GRM7: variants seen among roughly 807,000 people sequenced by gnomAD.
GRM7 encodes glutamate metabotropic receptor 7, also known as metabotropic glutamate receptor 7.
GRM7 carries 35 observed loss-of-function variants against 84.5 expected under a neutral mutation model. That is an observed-to-expected ratio of 0.41 (90% CI 0.32 to 0.55). The LOEUF (loss-of-function observed/expected upper bound fraction) is 0.55. Ranked by LOEUF, GRM7 falls within the 20% of genes least tolerant of loss-of-function variation. The pLI, the probability that GRM7 is intolerant of heterozygous loss-of-function variation, is 0.19. For missense variants in GRM7, 1,003 were observed against 1,194.6 expected (o/e 0.84, Z 2.36); for synonymous variants, 487 against 455.1 (o/e 1.07, Z -0.89).
intron 1 of GRM7, among the ~76,000 whole-genome samples, chr3:7,111,324 G>A (rs561655244): frequency 7.9e-5 from 12 of 152,262 alleles, no homozygotes; most frequent in Non-Finnish European, 1.6e-4. Context: ...AGTAGGCATG[G>A]CTAGAGGCCA....
At chr3:7,566,658 A>T (rs1399423319) in intron 7 of GRM7, among the ~76,000 whole-genome samples, 2 of 50,060 alleles carry the variant, frequency 4.0e-5, no homozygotes, top group Admixed American at 1.8e-4. Flanking sequence ...GACACTGAAT[A>T]AAAAAAAAGA....
chr3:7,469,033 A>G (rs1003376923), intron 7 of GRM7, among the ~76,000 whole-genome samples: 2 of 152,180 alleles, frequency 1.3e-5, no homozygotes, highest in African/African-American at 4.8e-5. Context: ...ATTTTTCTGC[A>G]CCCCCAAGCA....
chr3:7,339,135 T>G (rs1197772644), intron 4 of GRM7, among the ~76,000 whole-genome samples: 1 of 152,136 alleles, frequency 6.6e-6, no homozygotes, highest in Non-Finnish European at 1.5e-5. Flanking sequence ...GGGATATGAT[T>G]ACACACTTGG....
chr3:7,355,878 C>G (rs1179957169), intron 4 of GRM7, among the ~76,000 whole-genome samples: 2 of 152,072 alleles, frequency 1.3e-5, no homozygotes, highest in Non-Finnish European at 2.9e-5. Context: ...GGGGAGGTTC[C>G]TAGATCAGCT....
chr3:7,697,907 G>A (rs1701079982), intron 9 of GRM7, among the ~76,000 whole-genome samples: 1 of 152,114 alleles, frequency 6.6e-6, no homozygotes, highest in African/African-American at 2.4e-5. Context: ...CACTGCAAAT[G>A]CCCAATTTAA....
In GRM7 at chr3:7,201,016, C is replaced by A. The variant is rs192162743; in HGVS notation, c.736+54348C>A. ...ACACAGTCTCACTCTGTCGCCCAGG[C>A]TGGAGTGCAGTGGCACGATCTCGGC... On this transcript the variant is annotated intron_variant, in intron 2 of 9. Coordinates refer to ENST00000357716, the MANE Select transcript of GRM7 (RefSeq NM_000844.4). Among the ~76,000 whole-genome samples the A allele has an allele frequency of 2.2e-5, 3 of 133,716 alleles. No homozygotes were observed. In the East Asian group the frequency reaches 6.5e-4, roughly 29 times the overall value. The allele number at this position is 133,716 out of a possible 152,430, so 87.7% of individuals were successfully genotyped here.
At chr3:7,378,887 C>T (rs941472239) in intron 4 of GRM7, among the ~76,000 whole-genome samples, 2 of 152,136 alleles carry the variant, frequency 1.3e-5, no homozygotes, top group Admixed American at 1.3e-4. Context: ...TCACATGTTT[C>T]AGTCAGCTTC....
chr3:7,038,783 C>G (rs1696481076), intron 1 of GRM7, among the ~76,000 whole-genome samples: 1 of 152,054 alleles, frequency 6.6e-6, no homozygotes, highest in Admixed American at 6.6e-5. Context: ...GCAGGTGAGA[C>G]TTAGAGGATT....
In GRM7 at chr3:7,432,470, G is replaced by GCCAC. The variant is rs536666097; in HGVS notation, c.1174+17309_1174+17312dup. On this transcript the variant is annotated intron_variant, in intron 5 of 9. Transcript: ENST00000357716. ...CGAGTAGCTGGGACTACAGGCATGTGCCACCACGCCCTGCTAACTTTTTGT... is the reference window on the plus strand; with the variant it reads ...CGAGTAGCTGGGACTACAGGCATGTGCCACCCACCACGCCCTGCTAACTTTTTGT... 3.4e-3 allele frequency among the ~76,000 whole-genome samples: 516 copies of GCCAC among 152,006 alleles called. 2 individuals are homozygous for GCCAC. Among genetic ancestry groups the GCCAC allele is most frequent in the Middle Eastern group, 0.014 (4 of 292 alleles).
intron 2 of GRM7, among the ~76,000 whole-genome samples, chr3:7,270,516 C>T (rs1167623344): frequency 6.6e-6 from 1 of 151,898 alleles, no homozygotes; most frequent in Admixed American, 6.6e-5. Context: ...TATTTTTTCT[C>T]AATATTGAAT....
At chr3:7,058,430 T>G (rs1001623002) in intron 1 of GRM7, among the ~76,000 whole-genome samples, 1 of 151,890 alleles carries the variant, frequency 6.6e-6, no homozygotes, top group Non-Finnish European at 1.5e-5. Flanking sequence ...TTAGCTCAAT[T>G]TTTTTCTACA....
At chr3:7,572,821 C>CAAAAAAAAA (rs1437470999) in intron 7 of GRM7, among the ~76,000 whole-genome samples, 3 of 20,972 alleles carry the variant, frequency 1.4e-4, no homozygotes, top group African/African-American at 1.9e-4. Flanking sequence ...GACTCTATCT[C>CAAAAAAAAA]AAATATATAT....
chr3:7,682,470 G>A (rs552051741), intron 9 of GRM7: 1 of 150,776 alleles, frequency 6.6e-6, no homozygotes, highest in South Asian at 2.1e-4. Flanking sequence ...TTTATTATAG[G>A]TTGTCTTGTC....
chr3:6,975,647 A>T (rs965904285), intron 1 of GRM7, among the ~76,000 whole-genome samples: 1 of 152,102 alleles, frequency 6.6e-6, no homozygotes, highest in African/African-American at 2.4e-5. Flanking sequence ...TGTGCTTACG[A>T]TGCTCTCTGA....
chr3:7,219,320 A>C (rs547023446), intron 2 of GRM7, among the ~76,000 whole-genome samples: 19 of 152,316 alleles, frequency 1.2e-4, no homozygotes, highest in African/African-American at 3.8e-4. Context: ...TCCCATCAGA[A>C]CAGACAGAGC....
rs375880364 is a variant in GRM7 at position 7,280,596 on chromosome 3, A to G, written c.737-18088A>G. Among the ~76,000 whole-genome samples the G allele has an allele frequency of 1.8e-4, 27 of 152,354 alleles. 1 individual carries two copies. The highest frequency in any genetic ancestry group is 3.4e-3 in the Middle Eastern group (1 of 294). On this transcript the variant is annotated intron_variant, in intron 2 of 9. Coordinates refer to ENST00000357716, the MANE Select transcript of GRM7 (RefSeq NM_000844.4). ...TTTCATAGGCTGTCACGGGAAGTAAATATCATTAAACATATAAAGCACTTG... is the reference window on the plus strand; with the variant it reads ...TTTCATAGGCTGTCACGGGAAGTAAGTATCATTAAACATATAAAGCACTTG...
chr3:7,734,863 C>A (rs530975278), intron 9 of GRM7, among the ~76,000 whole-genome samples: 75 of 152,218 alleles, frequency 4.9e-4, no homozygotes, highest in Middle Eastern at 3.4e-3. Flanking sequence ...TAAGAGAGAT[C>A]ATTATAAAAT....
chr3:7,471,773 T>C (rs1698712655), intron 7 of GRM7, among the ~76,000 whole-genome samples: 1 of 152,120 alleles, frequency 6.6e-6, no homozygotes, highest in Non-Finnish European at 1.5e-5. Flanking sequence ...TTCTGGGGAG[T>C]TGAGAAGAAT....
At chr3:7,010,075 A>T (rs1231697138) in intron 1 of GRM7, among the ~76,000 whole-genome samples, 1 of 152,222 alleles carries the variant, frequency 6.6e-6, no homozygotes, top group Non-Finnish European at 1.5e-5. Flanking sequence ...AGGGAGACTT[A>T]CAGCTAAGGA....
Sources: allele counts gnomAD v4.1 joint callset (sites outside exome capture counted in the v4.1 genomes callset), GRCh38; gene constraint gnomAD v4.1.1; transcripts MANE v1.5; gene names NCBI Gene and HGNC (gene_info 2026-07-23, HGNC 2026-07-21).